Variants in ISM2 observed in about 807,000 individuals in gnomAD.
ISM2 encodes isthmin-2.
In ISM2, 50 loss-of-function variants were observed where a neutral mutation model predicts 58.0. The observed-to-expected ratio is 0.86, with a 90% CI of 0.69 to 1.09. The LOEUF (loss-of-function observed/expected upper bound fraction) is 1.09, where lower values mean the gene tolerates loss of function less well. ISM2 is among the 50% of genes least tolerant of loss of function. The pLI is 0.00. For missense variants in ISM2, 723 were observed against 745.0 expected, an observed-to-expected ratio of 0.97 and a Z score of 0.34; for synonymous variants, 303 against 312.4, an observed-to-expected ratio of 0.97 and a Z score of 0.32.
At chr14:77,490,099 G>A (rs991217323) in intron 1 of ISM2, among the ~76,000 whole-genome samples, 8 of 152,102 alleles carry the variant, frequency 5.3e-5, no homozygotes, top group African/African-American at 1.2e-4. Flanking sequence ...TCCTGACTTC[G>A]TGATCCGCCC....
At chr14:77,497,996 C>T (rs2079258284) in intron 1 of ISM2, among the ~76,000 whole-genome samples, 1 of 152,176 alleles carries the variant, frequency 6.6e-6, no homozygotes, top group South Asian at 2.1e-4. Context: ...CCGCTGCATT[C>T]CAGGGGGCAA....
intron 4 of ISM2, 32 bp downstream of exon 4, chr14:77,482,290 C>A (rs1170377271): frequency 2.6e-6 from 4 of 1,541,554 alleles, no homozygotes; most frequent in Non-Finnish European, 3.6e-6. Flanking sequence ...TACAGGGGAG[C>A]AGCCTGGGGA....
intron 4 of ISM2, 85 bp from the exon 5 acceptor site, chr14:77,478,800 A>ATCCATG: frequency 7.1e-7 from 1 of 1,403,800 alleles, no homozygotes; most frequent in South Asian, 1.2e-5. Flanking sequence ...CCCTTTCCTC[A>ATCCATG]GGTGGATGCA....
In ISM2 at chr14:77,476,075, G is replaced by A. The variant is rs367754386; in HGVS notation, c.1236C>T (p.Ser412=). 5.9e-6 allele frequency: 9 copies of A among 1,526,834 alleles called. No individual in the cohort carries two copies. Among genetic ancestry groups the A allele is most frequent in the Admixed American group, 5.8e-5 (3 of 51,982 alleles). The allele number at this position is 1,526,834 out of a possible 1,614,324, so 94.6% of individuals were successfully genotyped here. The change falls in exon 7 of 7, where the codon AGC becomes AGT. Residue 412 remains serine (S), a synonymous_variant. Coordinates refer to ENST00000342219, the MANE Select transcript of ISM2 (RefSeq NM_199296.3). ...GGCTCAGATACTTGATTAGGAAGTC[G>A]CTCTTGCAGTTCAGCCACTTCTCAC... The part of the protein sequence containing the change: ...DSCEKWLNCK[S]DFLIKYLSQM...
chr14:77,478,414 A>G (rs1428494309), intron 5 of ISM2, 89 bp from the exon 6 acceptor site: 13 of 1,441,368 alleles, frequency 9.0e-6, no homozygotes, highest in Non-Finnish European at 1.1e-5. Context: ...ATAGGCTCTC[A>G]GTGCCCACAG....
intron 1 of ISM2, among the ~76,000 whole-genome samples, chr14:77,489,647 G>A (rs567193242): frequency 6.6e-6 from 1 of 152,148 alleles, no homozygotes; most frequent in Admixed American, 6.5e-5. Flanking sequence ...CTGAGTAGCT[G>A]GGATTAGGTA....
chr14:77,489,691 A>G (rs1044117844), intron 1 of ISM2, among the ~76,000 whole-genome samples: 1 of 152,094 alleles, frequency 6.6e-6, no homozygotes, highest in African/African-American at 2.4e-5. Flanking sequence ...CCTGGCACCC[A>G]GCGGAGGCTG....
chr14:77,496,799 G>GAAAAAAA lies in ISM2; in HGVS notation c.141+1847_141+1853dup, dbSNP rs772342344. 4.3e-4 allele frequency among the ~76,000 whole-genome samples: 11 copies of GAAAAAAA among 25,802 alleles called. 3 individuals carry two copies. Among genetic ancestry groups the GAAAAAAA allele is most frequent in the African/African-American group, 1.6e-3 (9 of 5,462 alleles). The allele number at this position is 25,802 out of a possible 152,430, so 16.9% of individuals were successfully genotyped here. A position where few individuals can be genotyped will look rare whatever the true frequency, so the allele number is the denominator to read the frequency against. ...GTGACAGAGTGAGACTCCATCTCAG[G>GAAAAAAA]AAAAAAAAAAAAAAAAAAAAAAAAA... On this transcript the variant is annotated intron_variant, in intron 1 of 6. Coordinates refer to ENST00000342219, the MANE Select transcript of ISM2 (RefSeq NM_199296.3).
In ISM2 at chr14:77,474,768, G is replaced by T. The variant is rs141400278; in HGVS notation, c.*827C>A. On this transcript the variant is annotated 3_prime_UTR_variant, in exon 7 of 7. Transcript: ENST00000342219. The stretch of plus-strand genomic sequence containing the variant: ...GTTTACTATAGACGTGTGACACACC[G>T]TCCCGAGCTAGTGCTGAACCCACCC... 1 of 152,156 alleles carries T rather than the reference G, an allele frequency of 6.6e-6. No homozygotes were observed. The highest frequency in any genetic ancestry group is 6.5e-5 in the Admixed American group (1 of 15,276). 9.4% of individuals were successfully genotyped at this position (152,156 alleles called of 1,614,324 possible). A position where few individuals can be genotyped will look rare whatever the true frequency, so the allele number is the denominator to read the frequency against.
At chr14:77,490,106 G>A (rs1423429281) in intron 1 of ISM2, among the ~76,000 whole-genome samples, 7 of 151,746 alleles carry the variant, frequency 4.6e-5, no homozygotes, top group South Asian at 2.1e-4. Context: ...TTCGTGATCC[G>A]CCCTCCTCGG....
At position 77,484,750 on chromosome 14, in the gene ISM2, G is replaced by A. The variant is rs373260578; in HGVS notation, c.311C>T (p.Pro104Leu). The A allele has an allele frequency of 1.5e-5, 24 of 1,612,510 alleles. No homozygotes were observed. The highest frequency in any genetic ancestry group is 1.7e-4 in the Middle Eastern group (1 of 6,054). The change falls in exon 2 of 7, where the codon CCG (proline) becomes CTG (leucine). Residue 104 changes from proline to leucine, a missense_variant. Coordinates refer to ENST00000342219, the MANE Select transcript of ISM2 (RefSeq NM_199296.3). ...CAGCTTCTGCAGCTCCAGCCGCAACGGAGTAACCTCTGGGGTCCTGGGAGG... is the reference window on the plus strand; with the variant it reads ...CAGCTTCTGCAGCTCCAGCCGCAACAGAGTAACCTCTGGGGTCCTGGGAGG... ...ATPPRTPEVTPLRLELQKLPG... is the reference protein window; with the variant it reads ...ATPPRTPEVTLLRLELQKLPG...
chr14:77,497,585 C>T (rs1341946617), intron 1 of ISM2, among the ~76,000 whole-genome samples: 2 of 149,878 alleles, frequency 1.3e-5, no homozygotes, highest in African/African-American at 4.9e-5. Flanking sequence ...TCCCAGGTAC[C>T]CAGGAGGCTG....
In ISM2 at chr14:77,494,826, T is replaced by C. The variant is rs11844409; in HGVS notation, c.141+3827A>G. Among the ~76,000 whole-genome samples the C allele has an allele frequency of 3.8e-3, 576 of 152,282 alleles. 3 individuals carry two copies. The highest frequency in any genetic ancestry group is 0.013 in the African/African-American group (543 of 41,558). The stretch of plus-strand genomic sequence containing the variant: ...CAAATCATGAAGACTCATGGAACGA[T>C]GTCAGAGCTGGACAGAACCATAAAG... On this transcript the variant is annotated intron_variant, in intron 1 of 6. Coordinates refer to ENST00000342219, the MANE Select transcript of ISM2 (RefSeq NM_199296.3).
chr14:77,476,187 G>A, intron 6 of ISM2, 75 bp from the exon 7 acceptor site: 1 of 1,460,470 alleles, frequency 6.8e-7, no homozygotes, highest in Non-Finnish European at 9.1e-7. Flanking sequence ...ACTGATTAAG[G>A]GCCAGTGCAT....
At chr14:77,478,197 G>A (rs769203157) in intron 6 of ISM2, 45 bp downstream of exon 6, 44 of 1,520,384 alleles carry the variant, frequency 2.9e-5, no homozygotes, top group Non-Finnish European at 3.8e-5. Context: ...TCCCCTGAGA[G>A]CTCGTTCCCC....
At chr14:77,497,871 A>C (rs547703030) in intron 1 of ISM2, among the ~76,000 whole-genome samples, 17 of 152,010 alleles carry the variant, frequency 1.1e-4, no homozygotes, top group African/African-American at 3.6e-4. Flanking sequence ...GGCCTCCTAC[A>C]GCTTAGTACA....
rs2079091067 is a variant in ISM2, at chr14:77,475,535, C to A, written c.*60G>T. On this transcript the variant is annotated 3_prime_UTR_variant, in exon 7 of 7. Transcript: ENST00000342219. This position sits in a 1 kb window ranked among gnomAD's most constrained non-coding sequence, Gnocchi z 4.1. ...GCAGGGGCGGGTGAGGAAAGTTCTC[C>A]CGTGCAACAGCAGCAGCCGCCTGCC... The A allele has an allele frequency of 9.7e-6, 7 of 723,048 alleles. No homozygotes were observed. Among genetic ancestry groups the A allele is most frequent in the Non-Finnish European group, 1.4e-5 (7 of 513,642 alleles). The allele number at this position is 723,048 out of a possible 1,614,324, so 44.8% of individuals were successfully genotyped here. A position where few individuals can be genotyped will look rare whatever the true frequency, so the allele number is the denominator to read the frequency against.
chr14:77,484,278 C>T (rs2079151660), intron 3 of ISM2, 45 bp downstream of exon 3: 1 of 1,591,500 alleles, frequency 6.3e-7, no homozygotes, highest in Admixed American at 1.7e-5. Context: ...AGCCCCGCTC[C>T]TCTCCGGGTG....
At position 77,475,924 on chromosome 14, in the gene ISM2, C is replaced by G. The variant is rs754848642; in HGVS notation, c.1387G>C (p.Glu463Gln). 6.2e-7 allele frequency: 1 copy of G among 1,600,104 alleles called. No homozygotes were observed. The highest frequency in any genetic ancestry group is 1.1e-5 in the South Asian group (1 of 91,036). Residue 463 changes from glutamate to glutamine, a missense_variant, in exon 7 of 7, where the codon GAG becomes CAG. Physicochemically the swap from Glu to Gln is conservative, Grantham distance 29. Transcript: ENST00000342219. The surrounding 1 kb of genome is among the most constrained non-coding windows in gnomAD (Gnocchi z 4.1). ...FRWRDASGPR[E>Q]RLDIYQPTAR... The stretch of plus-strand genomic sequence containing the variant: ...GTGGGCTGGTAGATGTCCAGGCGCT[C>G]GCGAGGGCCACTGGCATCCCTCCAC...
Sources: allele counts gnomAD v4.1 joint callset (sites outside exome capture counted in the v4.1 genomes callset), GRCh38; gene constraint gnomAD v4.1.1; non-coding constraint Gnocchi (gnomAD v3.1); transcripts MANE v1.5; gene names NCBI Gene and HGNC (gene_info 2026-07-23, HGNC 2026-07-21).